TMC2: variants seen among roughly 807,000 people sequenced by gnomAD.
TMC2 encodes transmembrane channel-like protein 2.
Under a neutral mutation model 105.9 loss-of-function variants are expected in TMC2, and 102 were observed. The ratio of observed to expected loss-of-function variants is 0.96; its 90% CI spans 0.82 to 1.14. TMC2 has a LOEUF of 1.14. Among genes scored for constraint, TMC2 ranks in the 50% most tolerant of loss-of-function variants. The pLI is 0.00. For synonymous variants in TMC2, 402 were observed against 422.8 expected, an observed-to-expected ratio of 0.95 and a Z score of 0.60; for missense variants, 1,093 against 1,134.3, an observed-to-expected ratio of 0.96 and a Z score of 0.52.
intron 16 of TMC2, among the ~76,000 whole-genome samples, chr20:2,619,410 G>A (rs1190557387): frequency 6.6e-6 from 1 of 152,148 alleles, no homozygotes; most frequent in African/African-American, 2.4e-5. Context: ...CCTACATAAA[G>A]AGTAATACAT....
chr20:2,595,443 G>A (rs1355822284), intron 9 of TMC2, among the ~76,000 whole-genome samples: 2 of 152,140 alleles, frequency 1.3e-5, no homozygotes, highest in Non-Finnish European at 2.9e-5. Context: ...TAGAACCAAG[G>A]CTGGCATATA....
chr20:2,537,228 A>C, intron 1 of TMC2, 41 bp from the exon 2 acceptor site: 1 of 1,574,792 alleles, frequency 6.4e-7, no homozygotes, highest in Non-Finnish European at 8.6e-7. Flanking sequence ...AGGGGGACTC[A>C]CCAGAGGCCA....
At chr20:2,600,965 C>T (rs1286985630) in intron 10 of TMC2, among the ~76,000 whole-genome samples, 8 of 128,286 alleles carry the variant, frequency 6.2e-5, no homozygotes, top group Admixed American at 4.8e-4. Flanking sequence ...CCAGCCTAGG[C>T]GACGCAGCAA....
At chr20:2,539,918 G>GATAAATAC (rs2085877488) in intron 2 of TMC2, among the ~76,000 whole-genome samples, 1 of 151,534 alleles carries the variant, frequency 6.6e-6, no homozygotes, top group South Asian at 2.1e-4. Flanking sequence ...CCTGCTCTAT[G>GATAAATAC]ATAAATACAG....
chr20:2,586,854 G>T (rs6107004), intron 7 of TMC2, among the ~76,000 whole-genome samples: 9,159 of 152,176 alleles, frequency 0.06, 905 homozygotes, highest in African/African-American at 0.21. Context: ...TTAGTTGCAT[G>T]CCATATACTT....
In TMC2 at chr20:2,616,710, T is replaced by A. The variant is rs981208669; in HGVS notation, c.1941-362T>A. On this transcript the variant is annotated intron_variant, in intron 15 of 19. Transcript: ENST00000358864. This position sits in a 1 kb window ranked among gnomAD's most constrained non-coding sequence, Gnocchi z 4.8. ...GCCAAGGGCTCGCTGCAAGCCACTG[T>A]CCAATTCTCTCAATTGAAGGACTTC... is the stretch of plus-strand genomic sequence containing the variant. 2.6e-5 allele frequency among the ~76,000 whole-genome samples: 4 copies of A among 152,192 alleles called. No individual in the cohort carries two copies. The highest frequency in any genetic ancestry group is 9.6e-5 in the African/African-American group (4 of 41,456).
chr20:2,620,671 C>T (rs904856914), intron 16 of TMC2, among the ~76,000 whole-genome samples: 2 of 152,090 alleles, frequency 1.3e-5, no homozygotes, highest in East Asian at 1.9e-4. Context: ...AATTCTGTGG[C>T]GGGAAACAGA....
intron 5 of TMC2, among the ~76,000 whole-genome samples, chr20:2,577,679 A>T (rs1447797748): frequency 6.6e-6 from 1 of 152,138 alleles, no homozygotes; most frequent in Non-Finnish European, 1.5e-5. Context: ...TGGGAGGCTG[A>T]AAGCAGGCGG....
rs371175213 is a variant in TMC2 at position 2,579,933 on chromosome 20, G to A, written c.728-17G>A. ...TCCTTCTGCAGCACTCATACCCACC[G>A]TCTTTTCTCTCTCTAGGTCACTTTG... On this transcript the variant is annotated splice_polypyrimidine_tract_variant and intron_variant, in intron 6 of 19. Coordinates refer to ENST00000358864, the MANE Select transcript of TMC2 (RefSeq NM_080751.3). 93 of 1,586,034 alleles carry A rather than the reference G, an allele frequency of 5.9e-5. No homozygotes were observed. The highest frequency in any genetic ancestry group is 1.2e-4 in the African/African-American group (9 of 74,266).
chr20:2,595,275 G>A (rs1463364405), intron 9 of TMC2, among the ~76,000 whole-genome samples: 1 of 152,214 alleles, frequency 6.6e-6, no homozygotes, highest in East Asian at 1.9e-4. Flanking sequence ...AAATAGCCTA[G>A]TGTTTTCCCA....
chr20:2,613,093 T>G, intron 13 of TMC2, 101 bp from the exon 14 acceptor site: 1 of 1,459,874 alleles, frequency 6.8e-7, no homozygotes, highest in Non-Finnish European at 9.2e-7. Context: ...CAAAGTCAGG[T>G]GGGTGGGGGA....
Position 2,637,544 on chromosome 20 carries a change from C to T in TMC2, c.2456C>T (p.Pro819Leu), listed in dbSNP as rs200304980. 4 of 1,614,044 alleles carry T rather than the reference C, an allele frequency of 2.5e-6. No individual in the cohort carries two copies. The African/African-American group carries it at 5.3e-5, about 22-fold the overall frequency. The change falls in exon 19 of 20, where the codon CCT becomes CTT. Residue 819 changes from proline to leucine, a missense_variant. By Grantham distance (98) the Pro-to-Leu change is moderately conservative. Coordinates refer to ENST00000358864, the MANE Select transcript of TMC2 (RefSeq NM_080751.3). ...ACAGCCAGAGATTCAGAGGACACAC[C>T]TAAAAGCAGCTCCAAAAATGCCACC... ...KATARDSEDT[P>L]KSSSKNATQL...
chr20:2,641,637 T>G lies in TMC2; in HGVS notation c.*286T>G. 1.0e-4 allele frequency: 32 copies of G among 321,094 alleles called. No individual in the cohort carries two copies. Among genetic ancestry groups the G allele is most frequent in the East Asian group, 1.7e-4 (3 of 17,882 alleles). The allele number at this position is 321,094 out of a possible 1,614,324, so 19.9% of individuals were successfully genotyped here. On this transcript the variant is annotated 3_prime_UTR_variant, in exon 20 of 20. Coordinates refer to ENST00000358864, the MANE Select transcript of TMC2 (RefSeq NM_080751.3). ...AACCCCACGCTCACAGTGGTCGACC[T>G]TGCCTCCCGATTTTCGGAGTTGGGG...
chr20:2,635,626 G>A (rs1182621497), intron 17 of TMC2, among the ~76,000 whole-genome samples: 2 of 152,186 alleles, frequency 1.3e-5, no homozygotes, highest in Non-Finnish European at 2.9e-5. Flanking sequence ...TCTGCAGTCA[G>A]TAAACCCTGC....
chr20:2,539,832 G>A (rs2085876946), intron 2 of TMC2, among the ~76,000 whole-genome samples: 1 of 152,020 alleles, frequency 6.6e-6, no homozygotes, highest in East Asian at 1.9e-4. Context: ...CTTTCTTTAC[G>A]TTGTCTTATC....
chr20:2,620,728 A>G (rs2146252993), intron 16 of TMC2, among the ~76,000 whole-genome samples: 1 of 152,334 alleles, frequency 6.6e-6, no homozygotes, highest in South Asian at 2.1e-4. Context: ...TTCAAGAAGA[A>G]GGAAGGGTGG....
intron 5 of TMC2, among the ~76,000 whole-genome samples, chr20:2,573,391 T>C (rs538535785): frequency 7.9e-5 from 12 of 152,278 alleles, no homozygotes; most frequent in African/African-American, 2.9e-4. Context: ...TTCCATGTTT[T>C]ATTTCTGCAC....
chr20:2,624,429 C>T (rs185640029), intron 17 of TMC2, 33 bp downstream of exon 17: 38 of 1,593,446 alleles, frequency 2.4e-5, no homozygotes, highest in African/African-American at 4.0e-5. Flanking sequence ...CTCCACCCCA[C>T]GGAAACTTCT....
chr20:2,627,287 T>C (rs2086571576), intron 17 of TMC2, among the ~76,000 whole-genome samples: 1 of 152,224 alleles, frequency 6.6e-6, no homozygotes, highest in African/African-American at 2.4e-5. Context: ...CCGTCTTTGC[T>C]TATTCTTTTT....
Sources: allele counts gnomAD v4.1 joint callset (sites outside exome capture counted in the v4.1 genomes callset), GRCh38; gene constraint gnomAD v4.1.1; non-coding constraint Gnocchi (gnomAD v3.1); transcripts MANE v1.5; gene names NCBI Gene and HGNC (gene_info 2026-07-23, HGNC 2026-07-21).